The following ATP8B1 variants were observed in gnomAD, a reference collection of about 807,000 sequenced individuals.
The protein encoded by ATP8B1 is phospholipid-transporting ATPase IC.
In ATP8B1, 80 loss-of-function variants were observed where a neutral mutation model predicts 149.9. The observed-to-expected ratio is 0.53, with a 90% CI of 0.45 to 0.64. The LOEUF (loss-of-function observed/expected upper bound fraction) is 0.64. ATP8B1 is among the 30% of genes least tolerant of loss of function. The pLI is 0.00. For synonymous variants in ATP8B1, 536 were observed against 562.8 expected, an observed-to-expected ratio of 0.95 and a Z score of 0.67; for missense variants, 1,247 against 1,552.6, an observed-to-expected ratio of 0.80 and a Z score of 3.31.
At chr18:57,703,611 G>A (rs999506609) in intron 4 of ATP8B1, among the ~76,000 whole-genome samples, 4 of 151,692 alleles carry the variant, frequency 2.6e-5, no homozygotes, top group Non-Finnish European at 5.9e-5. Flanking sequence ...AAAAAACCAG[G>A]TGGATATTCT....
Position 57,654,059 on chromosome 18 carries a change from C to G in ATP8B1, c.2948G>C (p.Trp983Ser). Residue 983 changes from tryptophan to serine, a missense_variant, in exon 24 of 28, where the codon TGG becomes TCG. By Grantham distance (177) the Trp-to-Ser change is radical. Transcript: ENST00000648908. ...CAGCACGTTGTAGAGGGTGATGAAC[C>G]AATCCTCGTATGCAGTCTGTGAGGG... ...GYSAQTAYED[W>S]FITLYNVLYT... The G allele has an allele frequency of 6.2e-7, 1 of 1,613,896 alleles. No individual in the cohort carries two copies. Among genetic ancestry groups the G allele is most frequent in the East Asian group, 2.2e-5 (1 of 44,878 alleles).
intron 1 of ATP8B1, among the ~76,000 whole-genome samples, chr18:57,742,021 C>A (rs1480583618): frequency 1.3e-5 from 2 of 152,070 alleles, no homozygotes; most frequent in African/African-American, 4.8e-5. Context: ...AAGTGCATGC[C>A]ACCACACCTG....
rs1210135659 is a variant in ATP8B1, at chr18:57,648,632, C to T, written c.3612G>A (p.Thr1204=). 3.1e-6 allele frequency: 5 copies of T among 1,603,232 alleles called. No individual in the cohort carries two copies. Among genetic ancestry groups the T allele is most frequent in the Non-Finnish European group, 4.3e-6 (5 of 1,176,046 alleles). Residue 1204 remains threonine (T), a synonymous_variant, in exon 28 of 28, where the codon ACG becomes ACA. Transcript: ENST00000648908. The part of the protein sequence containing the change: ...RQQVFRRGVS[T]RRSAYAFSHQ... ...GCGAGAAGGCGTAGGCCGAGCGCCG[C>T]GTTGACACGCCCCGGCGGAACACCT...
Position 57,662,535 on chromosome 18 carries a change from G to A in ATP8B1, c.2366C>T (p.Ser789Phe), listed in dbSNP as rs1357574759. The A allele has an allele frequency of 1.2e-6, 2 of 1,614,184 alleles. No homozygotes were observed. The highest frequency in any genetic ancestry group is 2.2e-5 in the South Asian group (2 of 91,086). The change falls in exon 21 of 28, where the codon TCT becomes TTT. Residue 789 changes from serine to phenylalanine, a missense_variant. Ser to Phe is a radical substitution (Grantham distance 155). This residue lies in a region of ATP8B1 where 853 missense variants were observed against 1,035.7 expected (regional missense o/e 0.82). Transcript: ENST00000648908. ...ACGGTTTCCACCGGGTGGAAAAAAAGATTCCTGCACAGGAGGTGCAAACTT... is the reference window on the plus strand; with the variant it reads ...ACGGTTTCCACCGGGTGGAAAAAAAAATTCCTGCACAGGAGGTGCAAACTT... ...YAKFAPPVQE[S>F]FFPPGGNRAL...
chr18:57,755,958 C>T (rs1365717065), intron 1 of ATP8B1, among the ~76,000 whole-genome samples: 1 of 151,890 alleles, frequency 6.6e-6, no homozygotes, highest in Non-Finnish European at 1.5e-5. Context: ...TTCATTATCC[C>T]CCTTTACCCC....
intron 12 of ATP8B1, 92 bp from the exon 13 acceptor site, chr18:57,688,599 CT>C: frequency 7.8e-7 from 1 of 1,287,084 alleles, no homozygotes; most frequent in Non-Finnish European, 1.1e-6. Flanking sequence ...CGAGAGCAAG[CT>C]GCTTATTTAC....
chr18:57,649,210 C>CTATCTATCTATCTATCTATCTATA (rs1264572976), intron 27 of ATP8B1, among the ~76,000 whole-genome samples: 2 of 152,028 alleles, frequency 1.3e-5, no homozygotes, highest in African/African-American at 4.8e-5. Flanking sequence ...ATCTATCTAT[C>CTATCTATCTATCTATCTATCTATA]TATCTATCTA....
rs1207359516 is a variant in ATP8B1 at position 57,672,913 on chromosome 18, TATATATATATATATATATAA to T, written c.1820-1353_1820-1334del. ...ATATATATATATATATATATATATA[TATATATATATATATATATAA>T]CATGTATATACACATATATACATAC... On this transcript the variant is annotated intron_variant, in intron 16 of 27. Transcript: ENST00000648908. Among the ~76,000 whole-genome samples, 54 of 73,486 alleles carry T rather than the reference TATATATATATATATATATAA, an allele frequency of 7.3e-4. 2 individuals are homozygous for T. The highest frequency in any genetic ancestry group is 2.2e-3 in the Admixed American group (11 of 4,920). 48.2% of individuals were successfully genotyped at this position (73,486 alleles called of 152,430 possible). A position where few individuals can be genotyped will look rare whatever the true frequency, so the allele number is the denominator to read the frequency against.
At chr18:57,712,707 G>A (rs375813402) in intron 2 of ATP8B1, among the ~76,000 whole-genome samples, 3 of 151,624 alleles carry the variant, frequency 2.0e-5, no homozygotes, top group East Asian at 2.0e-4. Flanking sequence ...GCCCCTCCCC[G>A]CCAACCTCAC....
At chr18:57,799,247 C>G (rs1211799421) in intron 1 of ATP8B1, among the ~76,000 whole-genome samples, 1 of 152,208 alleles carries the variant, frequency 6.6e-6, no homozygotes, top group Non-Finnish European at 1.5e-5. Flanking sequence ...GGCTGGCAAC[C>G]TCTGTTTCAC....
chr18:57,666,954 C>A, intron 20 of ATP8B1, 138 bp downstream of exon 20: 1 of 766,542 alleles, frequency 1.3e-6, no homozygotes, highest in South Asian at 1.5e-5. Flanking sequence ...TGTTGTCTTG[C>A]CTCATTTAAA....
intron 1 of ATP8B1, among the ~76,000 whole-genome samples, chr18:57,761,112 T>TAAAAAATAAAATAAA (rs1399687791): frequency 1.5e-5 from 2 of 133,558 alleles, no homozygotes; most frequent in Non-Finnish European, 3.3e-5. Context: ...TAAAATAAAA[T>TAAAAAATAAAATAAA]ATAAAATAAA....
rs2122818431 is a variant in ATP8B1, at chr18:57,684,029, C to T, written c.1630+7G>A. ...TCTAATGCCTGAGATGCCAGAGAAACACTCACCATCAGTCCTATCCACCAT... is the reference window on the plus strand; with the variant it reads ...TCTAATGCCTGAGATGCCAGAGAAATACTCACCATCAGTCCTATCCACCAT... On this transcript the variant is annotated splice_region_variant and intron_variant, in intron 15 of 27. Coordinates refer to ENST00000648908, the MANE Select transcript of ATP8B1 (RefSeq NM_001374385.1). 6.2e-7 allele frequency: 1 copy of T among 1,614,126 alleles called. No homozygotes were observed. Among genetic ancestry groups the T allele is most frequent in the Non-Finnish European group, 8.5e-7 (1 of 1,180,016 alleles).
chr18:57,787,395 C>T lies in ATP8B1; in HGVS notation c.-26+15603G>A, dbSNP rs2080419584. ...TAGAGCACTGCGAGAGGAGCTCCAT[C>T]TAGAGCACTGCGGGAGGAGCTCCAT... On this transcript the variant is annotated intron_variant, in intron 1 of 27. Transcript: ENST00000648908. Among the ~76,000 whole-genome samples, 3 of 152,092 alleles carry T rather than the reference C, an allele frequency of 2.0e-5. No homozygotes were observed. In the South Asian group the frequency reaches 6.2e-4, roughly 32 times the overall value.
chr18:57,696,575 T>G (rs1912825485), intron 8 of ATP8B1, among the ~76,000 whole-genome samples: 3 of 150,790 alleles, frequency 2.0e-5, no homozygotes, highest in Admixed American at 6.6e-5. Context: ...GTGATAGATT[T>G]CCAACAGTCA....
chr18:57,712,837 A>G (rs1425105500), intron 2 of ATP8B1, among the ~76,000 whole-genome samples: 1 of 151,960 alleles, frequency 6.6e-6, no homozygotes, highest in African/African-American at 2.4e-5. Flanking sequence ...AGGCAGGGTC[A>G]TGAGGCTGTT....
chr18:57,685,088 T>C lies in ATP8B1; in HGVS notation c.1457A>G (p.Asn486Ser). Residue 486 changes from asparagine to serine, a missense_variant, in exon 14 of 28, where the codon AAC becomes AGC. Coordinates refer to ENST00000648908, the MANE Select transcript of ATP8B1 (RefSeq NM_001374385.1). ...AGGTCTTACCTCTATTTTGTTGTGGTTGTGTTGAGAGGCATCCCGATGGTC... is the reference window on the plus strand; with the variant it reads ...AGGTCTTACCTCTATTTTGTTGTGGCTGTGTTGAGAGGCATCCCGATGGTC... ...YGDHRDASQH[N>S]HNKIEQVDFS... 1 of 1,614,204 alleles carries C rather than the reference T, an allele frequency of 6.2e-7. No homozygotes were observed. The highest frequency in any genetic ancestry group is 8.5e-7 in the Non-Finnish European group (1 of 1,180,026).
At chr18:57,654,649 A>G (rs1158162470) in intron 23 of ATP8B1, among the ~76,000 whole-genome samples, 1 of 151,312 alleles carries the variant, frequency 6.6e-6, no homozygotes, top group East Asian at 2.0e-4. Flanking sequence ...GTCAACATGA[A>G]AAAATAACCA....
chr18:57,712,226 G>A (rs1048213940), intron 2 of ATP8B1, among the ~76,000 whole-genome samples: 4 of 152,068 alleles, frequency 2.6e-5, no homozygotes, highest in African/African-American at 7.2e-5. Context: ...ACTTTATATT[G>A]CTGAAAAAGG....
Sources: allele counts gnomAD v4.1 joint callset (sites outside exome capture counted in the v4.1 genomes callset), GRCh38; gene constraint gnomAD v4.1.1; regional missense constraint gnomAD v4.1.1; transcripts MANE v1.5; gene names NCBI Gene and HGNC (gene_info 2026-07-23, HGNC 2026-07-21).